LRBA: variants seen among roughly 807,000 people sequenced by gnomAD.
The protein encoded by LRBA is LPS responsive beige-like anchor protein.
A neutral mutation model predicts 330.0 loss-of-function variants in LRBA; 176 were observed. The observed-to-expected ratio is 0.53, with a 90% CI of 0.47 to 0.60. The LOEUF is 0.60. LRBA is among the 20% of genes least tolerant of loss of function. The pLI, the probability that LRBA is intolerant of heterozygous loss-of-function variation, is 0.00. For synonymous variants in LRBA, 1,230 were observed against 1,193.0 expected (o/e 1.03, Z -0.64); for missense variants, 3,259 against 3,444.8 (o/e 0.95, Z 1.35).
At chr4:150,827,374 A>C (rs898385890) in intron 30 of LRBA, among the ~76,000 whole-genome samples, 5 of 152,180 alleles carry the variant, frequency 3.3e-5, no homozygotes, top group Non-Finnish European at 5.9e-5. Context: ...AAGAAATTCC[A>C]GTGCATTTCT....
chr4:150,808,603 G>A (rs1006903612), intron 31 of LRBA, among the ~76,000 whole-genome samples: 8 of 152,138 alleles, frequency 5.3e-5, no homozygotes, highest in African/African-American at 1.7e-4. Context: ...TATCATGCCA[G>A]AGCAATCTTT....
intron 40 of LRBA, among the ~76,000 whole-genome samples, chr4:150,541,730 T>G (rs1429777277): frequency 6.6e-6 from 1 of 152,208 alleles, no homozygotes; most frequent in African/African-American, 2.4e-5. Flanking sequence ...TCATTCAGGC[T>G]GGAGTGCAGT....
chr4:150,964,849 T>A (rs1334144293), intron 2 of LRBA, among the ~76,000 whole-genome samples: 1 of 152,128 alleles, frequency 6.6e-6, no homozygotes. Flanking sequence ...TTAAAAAAAA[T>A]GAATTTAAAA....
chr4:150,302,903 A>C (rs1482679121), intron 52 of LRBA, 111 bp from the exon 53 acceptor site: 1 of 685,632 alleles, frequency 1.5e-6, no homozygotes, highest in Non-Finnish European at 2.3e-6. Context: ...GTCATAATTC[A>C]GATTTTATAA....
chr4:150,377,673 T>G (rs1741552045), intron 47 of LRBA, among the ~76,000 whole-genome samples: 1 of 152,154 alleles, frequency 6.6e-6, no homozygotes, highest in Non-Finnish European at 1.5e-5. Context: ...TTATAATTAA[T>G]ATAAAAAATT....
intron 19 of LRBA, 52 bp from the exon 20 acceptor site, chr4:150,870,658 C>A: frequency 1.2e-6 from 1 of 842,424 alleles, no homozygotes; most frequent in Non-Finnish European, 2.0e-6. Context: ...ATTAGCATCA[C>A]TATTAATGAA....
intron 34 of LRBA, among the ~76,000 whole-genome samples, chr4:150,787,741 T>C (rs1289250928): frequency 6.6e-6 from 1 of 152,230 alleles, no homozygotes; most frequent in Non-Finnish European, 1.5e-5. Flanking sequence ...ACTCTTGTGC[T>C]ATCAAATACT....
intron 40 of LRBA, among the ~76,000 whole-genome samples, chr4:150,546,624 A>C (rs1765888045): frequency 1.3e-5 from 2 of 152,250 alleles, no homozygotes; most frequent in Admixed American, 1.3e-4. Context: ...AGATAAGTGC[A>C]GTCTTTAACA....
rs564969837 is a variant in LRBA at position 150,574,131 on chromosome 4, A to G, written c.6330+13917T>C. Among the ~76,000 whole-genome samples, 263 of 152,166 alleles carry G rather than the reference A, an allele frequency of 1.7e-3. 2 individuals are homozygous for G. Among genetic ancestry groups the G allele is most frequent in the African/African-American group, 6.3e-3 (260 of 41,532 alleles). ...TATTTTTCTATATACAGGAACACAT[A>G]CTGCATTTTGTTTTATAATTTTATG... On this transcript the variant is annotated intron_variant, in intron 40 of 56. Transcript: ENST00000651943.
In LRBA at chr4:150,735,280, A is replaced by G. The variant is rs753357058; in HGVS notation, c.5732T>C (p.Ile1911Thr). Reference protein sequence around the residue: ...FILSRQRAEDIHRHAEFESLC... With the variant: ...FILSRQRAEDTHRHAEFESLC... ...TACCTCAAATTCCGCATGTCTGTGA[A>G]TATCTTCTGCTCTCTGCCTGCTCAG... Residue 1911 changes from isoleucine (I) to threonine (T), a missense_variant, in exon 36 of 57, where the codon ATT (isoleucine) becomes ACT (threonine). Physicochemically the swap from Ile to Thr is moderately conservative, Grantham distance 89. Transcript: ENST00000651943. The G allele has an allele frequency of 3.7e-6, 6 of 1,613,544 alleles. No homozygotes were observed. Among genetic ancestry groups the G allele is most frequent in the Non-Finnish European group, 5.1e-6 (6 of 1,179,526 alleles).
chr4:150,669,070 C>T (rs988220073), intron 37 of LRBA, among the ~76,000 whole-genome samples: 6 of 152,122 alleles, frequency 3.9e-5, no homozygotes, highest in African/African-American at 1.4e-4. Flanking sequence ...TAAGGTCGTC[C>T]AGTAGAGTGC....
chr4:150,848,235 G>C (rs912315370), intron 26 of LRBA, among the ~76,000 whole-genome samples: 2 of 152,070 alleles, frequency 1.3e-5, no homozygotes, highest in Non-Finnish European at 2.9e-5. Context: ...GGCTGGTCTT[G>C]AACTCCTGAC....
intron 36 of LRBA, among the ~76,000 whole-genome samples, chr4:150,725,607 G>A (rs928809064): frequency 6.6e-6 from 1 of 152,200 alleles, no homozygotes; most frequent in Non-Finnish European, 1.5e-5. Flanking sequence ...CAATCTGAAA[G>A]ACAAGGATGT....
At chr4:150,946,556 T>C (rs1436917050) in intron 2 of LRBA, among the ~76,000 whole-genome samples, 3 of 152,032 alleles carry the variant, frequency 2.0e-5, no homozygotes, top group Admixed American at 6.5e-5. Context: ...ATAAATTTTT[T>C]AAATACGATG....
rs190197795 is a variant in LRBA, at chr4:150,318,170, A to C, written c.7631-2547T>G. On this transcript the variant is annotated intron_variant, in intron 50 of 56. Transcript: ENST00000651943. ...CTCTCCCCTCTTTCATTAGAGCAGGAAAGTTGGGACCTGGATTCAGCACTG... is the reference window on the plus strand; with the variant it reads ...CTCTCCCCTCTTTCATTAGAGCAGGCAAGTTGGGACCTGGATTCAGCACTG... Among the ~76,000 whole-genome samples, 5 of 152,274 alleles carry C rather than the reference A, an allele frequency of 3.3e-5. No homozygotes were observed. The Middle Eastern group carries it at 0.01, about 311-fold the overall frequency.
At position 150,315,724 on chromosome 4, in the gene LRBA, C is replaced by G. The variant is rs1731642247; in HGVS notation, c.7631-101G>C. On this transcript the variant is annotated intron_variant, in intron 50 of 56. Transcript: ENST00000651943. ...CCTTATGTAGAATTGTTTCCAATCT[C>G]TAAATCTTTCATGCAGTTTTGTGAA... 8.3e-6 allele frequency: 6 copies of G among 722,636 alleles called. No individual in the cohort carries two copies. In the South Asian group the frequency reaches 1.2e-4, roughly 15 times the overall value. The allele number at this position is 722,636 out of a possible 1,614,324, so 44.8% of individuals were successfully genotyped here.
chr4:150,279,560 C>T lies in LRBA; in HGVS notation c.8317-1556G>A, dbSNP rs143773200. 4.3e-3 allele frequency among the ~76,000 whole-genome samples: 652 copies of T among 152,214 alleles called. 3 individuals carry two copies. Among genetic ancestry groups the T allele is most frequent in the African/African-American group, 0.014 (589 of 41,576 alleles). On this transcript the variant is annotated intron_variant, in intron 55 of 56. Coordinates refer to ENST00000651943, the MANE Select transcript of LRBA (RefSeq NM_001364905.1). The stretch of plus-strand genomic sequence containing the variant: ...GCTGCCTTAAGTCTTCACTGTTTGA[C>T]ATATCTTTTAAAAAATCATAGAAAG...
intron 2 of LRBA, among the ~76,000 whole-genome samples, chr4:150,986,508 A>C (rs1741482984): frequency 6.6e-6 from 1 of 152,224 alleles, no homozygotes; most frequent in Admixed American, 6.5e-5. Flanking sequence ...ACATGGTCTG[A>C]AACAGAATGT....
rs1050723167 is a variant in LRBA, at chr4:150,512,298, C to T, written c.6331-21263G>A. ...AAGTGGTTCAAATGACCTTTCATAA[C>T]TACTAAGGAACTGGAAACTTATGAT... On this transcript the variant is annotated intron_variant, in intron 40 of 56. Coordinates refer to ENST00000651943, the MANE Select transcript of LRBA (RefSeq NM_001364905.1). Among the ~76,000 whole-genome samples the T allele has an allele frequency of 3.3e-5, 5 of 152,214 alleles. No homozygotes were observed. In the East Asian group the frequency reaches 9.6e-4, roughly 29 times the overall value.
Sources: allele counts gnomAD v4.1 joint callset (sites outside exome capture counted in the v4.1 genomes callset), GRCh38; gene constraint gnomAD v4.1.1; transcripts MANE v1.5; gene names NCBI Gene and HGNC (gene_info 2026-07-23, HGNC 2026-07-21).